PCDHAC1: variants seen among roughly 807,000 people sequenced by gnomAD.
PCDHAC1 encodes protocadherin alpha-C1.
PCDHAC1 carries 42 observed loss-of-function variants against 60.0 expected under a neutral mutation model. The ratio of observed to expected loss-of-function variants is 0.70; its 90% CI spans 0.55 to 0.90. The LOEUF is 0.90. Among genes scored for constraint, PCDHAC1 ranks in the 40% least tolerant of loss-of-function variants. The pLI is 0.00. For synonymous variants in PCDHAC1, 468 were observed against 499.3 expected (o/e 0.94, Z 0.84); for missense variants, 1,160 against 1,222.3 (o/e 0.95, Z 0.76).
Position 140,929,272 on chromosome 5 carries a change from T to C in PCDHAC1, c.2380T>C (p.Ser794Pro), listed in dbSNP as rs560527071. 6.2e-7 allele frequency: 1 copy of C among 1,607,152 alleles called. No individual in the cohort carries two copies. The change falls in exon 1 of 4, where the codon TCC (serine) becomes CCC (proline). Residue 794 changes from serine (S) to proline (P), a missense_variant. By Grantham distance (74) the Ser-to-Pro change is moderately conservative. Transcript: ENST00000253807. ...ATGVGLNLPI[S>P]CIQIRNRKGD... ...TGGGGTAGGACTGAATTTGCCAATA[T>C]CCTGTATTCAGATTCGGAATAGGAA...
intron 1 of PCDHAC1, among the ~76,000 whole-genome samples, chr5:140,948,168 T>G (rs1217978838): frequency 6.6e-6 from 1 of 151,636 alleles, no homozygotes; most frequent in Non-Finnish European, 1.5e-5. Flanking sequence ...AACCTTCCAT[T>G]CCTAGGGTAA....
chr5:140,941,199 C>CT (rs879983584), intron 1 of PCDHAC1, among the ~76,000 whole-genome samples: 21,657 of 115,670 alleles, frequency 0.19, 2,171 homozygotes, highest in East Asian at 0.37. Flanking sequence ...TTTTTTCTTT[C>CT]TTCCTTTCTT....
chr5:140,947,920 A>G (rs1336638527), intron 1 of PCDHAC1, among the ~76,000 whole-genome samples: 1 of 151,504 alleles, frequency 6.6e-6, no homozygotes, highest in African/African-American at 2.4e-5. Context: ...TCTTGCCTTA[A>G]CCCTGATCTT....
intron 3 of PCDHAC1, among the ~76,000 whole-genome samples, chr5:141,003,371 G>A (rs782012251): frequency 2.0e-5 from 3 of 152,148 alleles, no homozygotes; most frequent in African/African-American, 7.2e-5. Flanking sequence ...GAGTGCAGTG[G>A]TGCAATCTCA....
chr5:141,007,779 C>T (rs1378096050), intron 3 of PCDHAC1, among the ~76,000 whole-genome samples: 4 of 152,184 alleles, frequency 2.6e-5, no homozygotes, highest in African/African-American at 9.7e-5. Context: ...AATGGTACTG[C>T]TTTACAAATT....
In PCDHAC1 at chr5:140,928,911, A is replaced by G; in HGVS notation, c.2019A>G (p.Pro673=). 6.2e-7 allele frequency: 1 copy of G among 1,614,184 alleles called. No homozygotes were observed. Among genetic ancestry groups the G allele is most frequent in the Non-Finnish European group, 8.5e-7 (1 of 1,180,042 alleles). The change falls in exon 1 of 4, where the codon CCA becomes CCG. Residue 673 remains proline, a synonymous_variant. Coordinates refer to ENST00000253807, the MANE Select transcript of PCDHAC1 (RefSeq NM_018898.5). ...LLPDFEDVWE[P]GGQLSAQNLY... The stretch of plus-strand genomic sequence containing the variant: ...CAGACTTTGAAGATGTCTGGGAACC[A>G]GGAGGGCAGCTTTCTGCCCAGAACT...
At chr5:140,999,263 A>G (rs566864160) in intron 3 of PCDHAC1, among the ~76,000 whole-genome samples, 3 of 152,346 alleles carry the variant, frequency 2.0e-5, no homozygotes, top group East Asian at 1.9e-4. Context: ...TAGTAAAGGA[A>G]TACTGCATAG....
chr5:140,995,511 A>G (rs561169284), intron 3 of PCDHAC1, among the ~76,000 whole-genome samples: 1 of 152,342 alleles, frequency 6.6e-6, no homozygotes, highest in Admixed American at 6.5e-5. Flanking sequence ...TGGGTAACTG[A>G]AGCCTCAGAA....
In PCDHAC1 at chr5:140,929,414, A is replaced by G. The variant is rs1174756115; in HGVS notation, c.2433+89A>G. The G allele has an allele frequency of 6.6e-6, 10 of 1,504,304 alleles. No individual in the cohort carries two copies. The East Asian group carries it at 1.1e-4, about 17-fold the overall frequency. 93.2% of individuals were successfully genotyped at this position (1,504,304 alleles called of 1,614,324 possible). A position where few individuals can be genotyped will look rare whatever the true frequency, so the allele number is the denominator to read the frequency against. On this transcript the variant is annotated intron_variant, in intron 1 of 3. Transcript: ENST00000253807. ...ATATTTCTTAGACAAGCCTTTCACA[A>G]CATTTCATCAATTGAACTAAACACT...
intron 1 of PCDHAC1, among the ~76,000 whole-genome samples, chr5:140,933,174 A>G (rs1400055066): frequency 2.0e-5 from 3 of 151,742 alleles, no homozygotes; most frequent in Non-Finnish European, 3.0e-5. Context: ...AATTGATGGC[A>G]TAAGATAATG....
Position 140,926,641 on chromosome 5 carries a change from C to A in PCDHAC1, c.-252C>A. 2.2e-6 allele frequency: 1 copy of A among 460,388 alleles called. No individual in the cohort carries two copies. The highest frequency in any genetic ancestry group is 3.6e-6 in the Non-Finnish European group (1 of 275,430). The allele number at this position is 460,388 out of a possible 1,614,324, so 28.5% of individuals were successfully genotyped here. On this transcript the variant is annotated 5_prime_UTR_variant, in exon 1 of 4. Coordinates refer to ENST00000253807, the MANE Select transcript of PCDHAC1 (RefSeq NM_018898.5). ...TAGGCGGCGCTGCGCTCCTCAACAC[C>A]CGGCCGGCTCCGCTTTCCCAGACGG...
intron 3 of PCDHAC1, among the ~76,000 whole-genome samples, chr5:140,994,851 A>C (rs1178274121): frequency 1.3e-5 from 2 of 149,076 alleles, no homozygotes; most frequent in African/African-American, 5.2e-5. Flanking sequence ...AGATGAGTGC[A>C]TTTGATGGAT....
intron 1 of PCDHAC1, among the ~76,000 whole-genome samples, chr5:140,947,310 A>G (rs1554218156): frequency 6.6e-6 from 1 of 151,620 alleles, no homozygotes; most frequent in Admixed American, 6.6e-5. Flanking sequence ...ATCTTTGTAA[A>G]AAGTCGGTTG....
At chr5:140,996,811 A>G (rs2097746792) in intron 3 of PCDHAC1, among the ~76,000 whole-genome samples, 1 of 152,212 alleles carries the variant, frequency 6.6e-6, no homozygotes, top group African/African-American at 2.4e-5. Flanking sequence ...ATGCTTTCCA[A>G]AAGTAACCAC....
At chr5:141,006,951 T>TA (rs1428990680) in intron 3 of PCDHAC1, among the ~76,000 whole-genome samples, 1 of 152,164 alleles carries the variant, frequency 6.6e-6, no homozygotes, top group Non-Finnish European at 1.5e-5. Context: ...GATAGGCAGT[T>TA]ATACATGAGA....
chr5:140,940,425 G>T (rs2153645742), intron 1 of PCDHAC1, among the ~76,000 whole-genome samples: 1 of 152,034 alleles, frequency 6.6e-6, no homozygotes, highest in African/African-American at 2.4e-5. Flanking sequence ...AATTATTACT[G>T]ATCAAGTCTG....
At chr5:140,983,438 C>T (rs1233600670) in intron 3 of PCDHAC1, among the ~76,000 whole-genome samples, 2 of 152,224 alleles carry the variant, frequency 1.3e-5, no homozygotes, top group Non-Finnish European at 2.9e-5. Flanking sequence ...ATTGTGTCTA[C>T]TCTAATCCTC....
chr5:140,938,025 C>A (rs1431326044), intron 1 of PCDHAC1, among the ~76,000 whole-genome samples: 5 of 151,978 alleles, frequency 3.3e-5, no homozygotes, highest in Non-Finnish European at 7.4e-5. Context: ...AGTAAAATCT[C>A]ATATTTTTAT....
At chr5:140,967,727 G>C in intron 1 of PCDHAC1, 2 of 1,614,148 alleles carry the variant, frequency 1.2e-6, no homozygotes, top group Non-Finnish European at 1.7e-6. Flanking sequence ...GCGAGTAATT[G>C]GGGGGCTGGA....
Sources: gnomAD v4.1 joint callset for allele counts (sites outside exome capture counted in the v4.1 genomes callset) on GRCh38, gnomAD v4.1.1 for gene constraint, MANE v1.5 for transcripts, NCBI Gene and HGNC (gene_info 2026-07-23, HGNC 2026-07-21) for gene names.